FGF14: variants seen among roughly 807,000 people sequenced by gnomAD.
FGF14 encodes the protein fibroblast growth factor homologous factor 4.
Under a neutral mutation model 25.5 loss-of-function variants are expected in FGF14, and 5 were observed. The observed-to-expected ratio is 0.20, with a 90% CI of 0.10 to 0.41. FGF14 has a LOEUF of 0.41. Among genes scored for constraint, FGF14 ranks in the 10% least tolerant of loss-of-function variants. The probability of loss-of-function intolerance (pLI) is 1.00; values close to 1 mark genes in which losing one functional copy is unlikely to be tolerated. For missense variants in FGF14, 222 were observed against 320.1 expected, an observed-to-expected ratio of 0.69 and a Z score of 2.34; for synonymous variants, 138 against 118.3, an observed-to-expected ratio of 1.17 and a Z score of -1.08.
At position 102,069,600 on chromosome 13, in the gene FGF14, G is replaced by C. The variant is rs1042744289; in HGVS notation, c.209-194304C>G. 2.0e-5 allele frequency among the ~76,000 whole-genome samples: 3 copies of C among 151,562 alleles called. No homozygotes were observed. In the East Asian group the frequency reaches 5.8e-4, roughly 29 times the overall value. ...AGACCACAAGCCCACCGGGAGGAAC[G>C]AACAACTCCAGATGCTCTGCCTTAA... is the stretch of plus-strand genomic sequence containing the variant. On this transcript the variant is annotated intron_variant, in intron 1 of 4. Transcript: ENST00000376131.
chr13:101,926,239 T>C (rs1254649355), intron 1 of FGF14, among the ~76,000 whole-genome samples: 1 of 152,178 alleles, frequency 6.6e-6, no homozygotes, highest in African/African-American at 2.4e-5. Flanking sequence ...TTCCTAGCCT[T>C]TGACACTTAC....
chr13:102,059,104 T>C (rs1018025125), intron 1 of FGF14, among the ~76,000 whole-genome samples: 7 of 152,130 alleles, frequency 4.6e-5, no homozygotes, highest in Non-Finnish European at 4.4e-5. Context: ...CTACTTCACA[T>C]ACCAGAACCA....
upstream of FGF14, chr13:102,401,882 T>A: frequency 1.6e-6 from 1 of 607,454 alleles, no homozygotes. Flanking sequence ...AGATCCCAAC[T>A]GAGATCAAAA....
intron 1 of FGF14, among the ~76,000 whole-genome samples, chr13:102,047,752 C>A (rs992860418): frequency 2.6e-5 from 4 of 151,986 alleles, no homozygotes; most frequent in Non-Finnish European, 4.4e-5. Flanking sequence ...ATGGGTGCAG[C>A]ACACCAACAT....
chr13:102,164,174 A>C (rs2047900789), intron 1 of FGF14, among the ~76,000 whole-genome samples: 1 of 152,178 alleles, frequency 6.6e-6, no homozygotes, highest in Non-Finnish European at 1.5e-5. Flanking sequence ...GGACCACAGG[A>C]CACGAGCAAG....
rs137999107 is a variant in FGF14 at position 101,751,575 on chromosome 13, G to A, written c.409-24765C>T. ...ACCACATTTAAAAGCCCAGGTTGACGAAGCAAAAATGGAATCTCTAGGTCA... is the reference window on the plus strand; with the variant it reads ...ACCACATTTAAAAGCCCAGGTTGACAAAGCAAAAATGGAATCTCTAGGTCA... On this transcript the variant is annotated intron_variant, in intron 3 of 4. Transcript: ENST00000376143. Among the ~76,000 whole-genome samples the A allele has an allele frequency of 1.3e-3, 201 of 152,132 alleles. 2 individuals are homozygous for A. Among genetic ancestry groups the A allele is most frequent in the African/African-American group, 4.6e-3 (189 of 41,520 alleles).
At chr13:101,928,432 C>T (rs1454989402) in intron 1 of FGF14, among the ~76,000 whole-genome samples, 2 of 150,510 alleles carry the variant, frequency 1.3e-5, no homozygotes, top group African/African-American at 5.0e-5. Flanking sequence ...GTAGTTTTTG[C>T]TAACTTCAAT....
At chr13:102,212,801 T>C (rs1594431894) in intron 1 of FGF14, among the ~76,000 whole-genome samples, 1 of 152,196 alleles carries the variant, frequency 6.6e-6, no homozygotes, top group Non-Finnish European at 1.5e-5. Context: ...TGAGTTGAAT[T>C]ATGATGGGCT....
At chr13:101,797,622 G>C (rs971513928) in intron 3 of FGF14, among the ~76,000 whole-genome samples, 1 of 151,952 alleles carries the variant, frequency 6.6e-6, no homozygotes, top group African/African-American at 2.4e-5. Context: ...CCAGTGTTAG[G>C]TACTGGCTTT....
intron 1 of FGF14, among the ~76,000 whole-genome samples, chr13:102,288,249 C>T (rs1162994224): frequency 6.6e-6 from 1 of 152,160 alleles, no homozygotes; most frequent in African/African-American, 2.4e-5. Context: ...CAACTTGTCA[C>T]AACTAACAAA....
At position 101,720,761 on chromosome 13, in the gene FGF14, A is replaced by G. The variant is rs1471774786; in HGVS notation, c.*2070T>C. 6.6e-6 allele frequency: 1 copy of G among 152,154 alleles called. No homozygotes were observed. The highest frequency in any genetic ancestry group is 2.4e-5 in the African/African-American group (1 of 41,424). 9.4% of individuals were successfully genotyped at this position (152,154 alleles called of 1,614,324 possible). On this transcript the variant is annotated 3_prime_UTR_variant, in exon 5 of 5. Coordinates refer to ENST00000376143, the MANE Select transcript of FGF14 (RefSeq NM_004115.4). ...TTCCTGTTAAAAACAATAGGCTTCA[A>G]GATGACATAACACCAAATCAAAAAT...
At chr13:101,899,380 AT>A (rs1297201411) in intron 1 of FGF14, among the ~76,000 whole-genome samples, 13 of 152,144 alleles carry the variant, frequency 8.5e-5, no homozygotes, top group Admixed American at 5.2e-4. Context: ...TATAATTAAT[AT>A]ATTTAAGAAA....
At chr13:102,216,024 G>A (rs114955659) in intron 1 of FGF14, among the ~76,000 whole-genome samples, 1,543 of 152,252 alleles carry the variant, frequency 0.01, 34 homozygotes, top group African/African-American at 0.034. Flanking sequence ...GAGAAGGTCA[G>A]TATTTACAGA....
intron 3 of FGF14, among the ~76,000 whole-genome samples, chr13:101,737,772 T>C (rs971039471): frequency 6.6e-6 from 1 of 152,176 alleles, no homozygotes; most frequent in African/African-American, 2.4e-5. Flanking sequence ...TGTACATGCA[T>C]ATACAAGATT....
intron 1 of FGF14, among the ~76,000 whole-genome samples, chr13:102,141,556 G>A (rs910574060): frequency 3.9e-5 from 6 of 152,152 alleles, no homozygotes; most frequent in African/African-American, 1.4e-4. Flanking sequence ...CTGGACAAAA[G>A]GAACCTGAAA....
intron 1 of FGF14, among the ~76,000 whole-genome samples, chr13:102,113,185 A>G (rs1460845420): frequency 6.6e-6 from 1 of 152,250 alleles, no homozygotes; most frequent in Non-Finnish European, 1.5e-5. Context: ...AAGCTGTACT[A>G]CAGATAAACT....
At chr13:102,326,676 AAGG>A (rs1312851243) in intron 1 of FGF14, among the ~76,000 whole-genome samples, 58 of 61,946 alleles carry the variant, frequency 9.4e-4, no homozygotes, top group Non-Finnish European at 1.4e-3. Flanking sequence ...AGGGGAAGGG[AAGG>A]GAAGGGAAGG....
At chr13:101,920,320 C>G (rs1008876132), upstream of FGF14, among the ~76,000 whole-genome samples, 1 of 152,132 alleles carries the variant, frequency 6.6e-6, no homozygotes, top group Non-Finnish European at 1.5e-5. Flanking sequence ...AGCTCCTCAC[C>G]AAGCTATTGG....
intron 1 of FGF14, among the ~76,000 whole-genome samples, chr13:102,084,137 A>G (rs550733778): frequency 2.7e-4 from 41 of 152,172 alleles, no homozygotes; most frequent in African/African-American, 8.4e-4. Context: ...GTCCCTCATA[A>G]TTGCTAAATG....
Sources: allele counts gnomAD v4.1 joint callset (sites outside exome capture counted in the v4.1 genomes callset), GRCh38; gene constraint gnomAD v4.1.1; transcripts MANE v1.5; gene names NCBI Gene and HGNC (gene_info 2026-07-23, HGNC 2026-07-21).